XPNPEP3: variants seen among roughly 807,000 people sequenced by gnomAD.
The protein encoded by XPNPEP3 is xaa-Pro aminopeptidase 3.
In XPNPEP3, 41 loss-of-function variants were observed where a neutral mutation model predicts 60.0. The observed-to-expected ratio is 0.68, with a 90% CI of 0.53 to 0.89. The LOEUF (loss-of-function observed/expected upper bound fraction) is 0.89. Ranked by LOEUF, XPNPEP3 falls within the 40% of genes least tolerant of loss-of-function variation. XPNPEP3 has a pLI of 0.00. For missense variants in XPNPEP3, 598 were observed against 638.9 expected, an observed-to-expected ratio of 0.94 and a Z score of 0.69; for synonymous variants, 212 against 223.2, an observed-to-expected ratio of 0.95 and a Z score of 0.45.
At chr22:40,899,679 T>C (rs1366446369) in intron 4 of XPNPEP3, among the ~76,000 whole-genome samples, 1 of 151,626 alleles carries the variant, frequency 6.6e-6, no homozygotes, top group African/African-American at 2.4e-5. Context: ...ATTAGCTGGA[T>C]GTGGTGGTGG....
At chr22:40,878,083 G>A (rs1427393820) in intron 2 of XPNPEP3, among the ~76,000 whole-genome samples, 1 of 151,938 alleles carries the variant, frequency 6.6e-6, no homozygotes, top group African/African-American at 2.4e-5. Context: ...GCACATTCCT[G>A]TAATCCCAGC....
At chr22:40,893,817 T>C (rs2058097775) in intron 4 of XPNPEP3, among the ~76,000 whole-genome samples, 1 of 152,078 alleles carries the variant, frequency 6.6e-6, no homozygotes, top group Admixed American at 6.6e-5. Context: ...GGTTTCTCCA[T>C]ATTGGTCAGG....
At chr22:40,922,127 C>T (rs2058218718) in intron 7 of XPNPEP3, among the ~76,000 whole-genome samples, 1 of 152,096 alleles carries the variant, frequency 6.6e-6, no homozygotes, top group South Asian at 2.1e-4. Flanking sequence ...TGTGTTGCTG[C>T]TCCAGCTTGA....
intron 9 of XPNPEP3, 130 bp from the exon 10 acceptor site, chr22:40,926,139 T>G: frequency 1.1e-6 from 1 of 945,932 alleles, no homozygotes; most frequent in Non-Finnish European, 1.7e-6. Flanking sequence ...CCTCACAGCT[T>G]TACTAGGTAG....
At chr22:40,889,314 C>T (rs965906884) in intron 4 of XPNPEP3, among the ~76,000 whole-genome samples, 1 of 152,208 alleles carries the variant, frequency 6.6e-6, no homozygotes, top group African/African-American at 2.4e-5. Flanking sequence ...CATGAGCCAA[C>T]ATGTCCAGCA....
intron 3 of XPNPEP3, among the ~76,000 whole-genome samples, chr22:40,883,820 T>C: frequency 6.6e-6 from 1 of 152,192 alleles, no homozygotes; most frequent in Non-Finnish European, 1.5e-5. Context: ...AAACTTTAGC[T>C]CTGGGAAGTA....
Position 40,902,594 on chromosome 22 carries a change from A to G in XPNPEP3, c.793-4993A>G, listed in dbSNP as rs187896989. On this transcript the variant is annotated intron_variant, in intron 4 of 9. Coordinates refer to ENST00000357137, the MANE Select transcript of XPNPEP3 (RefSeq NM_022098.4). Reference sequence around the variant, plus strand: ...GAGACGGGGTTTCACCATGTTGGTCAGGCTGGTTTCAAACTCCTGACCTCG... The same window carrying G: ...GAGACGGGGTTTCACCATGTTGGTCGGGCTGGTTTCAAACTCCTGACCTCG... Among the ~76,000 whole-genome samples, 129 of 152,158 alleles carry G rather than the reference A, an allele frequency of 8.5e-4. 1 individual carries two copies. The highest frequency in any genetic ancestry group is 1.6e-3 in the Non-Finnish European group (107 of 67,988).
chr22:40,883,140 TTCTTA>T (rs926048316), intron 3 of XPNPEP3, among the ~76,000 whole-genome samples: 6 of 152,214 alleles, frequency 3.9e-5, no homozygotes, highest in South Asian at 2.1e-4. Context: ...TGACAACTAC[TTCTTA>T]TCTTAGTGCT....
chr22:40,862,892 T>C (rs921045930), intron 1 of XPNPEP3: 5 of 271,542 alleles, frequency 1.8e-5, no homozygotes, highest in Non-Finnish European at 2.8e-5. Context: ...AGAATACAAA[T>C]AGGAGAACAA....
chr22:40,914,982 A>G (rs1181293760), intron 7 of XPNPEP3, among the ~76,000 whole-genome samples: 2 of 151,864 alleles, frequency 1.3e-5, no homozygotes, highest in East Asian at 3.9e-4. Flanking sequence ...CCCATCTGAC[A>G]TGAAAAAAAT....
Position 40,931,338 on chromosome 22 carries a change from A to T in XPNPEP3, c.*4903A>T, listed in dbSNP as rs2058253973. ...TGGATATCCAGTGTCACATACTTTT[A>T]TGTATTTATTTCAGGAATTACTATT... On this transcript the variant is annotated 3_prime_UTR_variant, in exon 10 of 10. Coordinates refer to ENST00000357137, the MANE Select transcript of XPNPEP3 (RefSeq NM_022098.4). 1 of 152,208 alleles carries T rather than the reference A, an allele frequency of 6.6e-6. No homozygotes were observed. Among genetic ancestry groups the T allele is most frequent in the African/African-American group, 2.4e-5 (1 of 41,462 alleles). The allele number at this position is 152,208 out of a possible 1,614,324, so 9.4% of individuals were successfully genotyped here. A position where few individuals can be genotyped will look rare whatever the true frequency, so the allele number is the denominator to read the frequency against.
At chr22:40,862,350 T>C (rs1247969325) in intron 1 of XPNPEP3, 1 of 1,015,912 alleles carries the variant, frequency 9.8e-7, no homozygotes, top group Non-Finnish European at 1.2e-6. Flanking sequence ...CAATGGAATC[T>C]GTTGCTAATA....
intron 4 of XPNPEP3, among the ~76,000 whole-genome samples, chr22:40,895,927 A>C (rs187159265): frequency 7.9e-5 from 12 of 152,174 alleles, no homozygotes; most frequent in African/African-American, 2.9e-4. Flanking sequence ...ACATTTGTGA[A>C]AGGTCTTGTG....
At chr22:40,897,008 T>C (rs1162470253) in intron 4 of XPNPEP3, among the ~76,000 whole-genome samples, 1 of 151,684 alleles carries the variant, frequency 6.6e-6, no homozygotes, top group Non-Finnish European at 1.5e-5. Flanking sequence ...CCATTGTATG[T>C]ATAGACAATG....
chr22:40,864,015 C>T (rs1010000073), intron 1 of XPNPEP3, among the ~76,000 whole-genome samples: 3 of 152,094 alleles, frequency 2.0e-5, no homozygotes, highest in Admixed American at 6.6e-5. Flanking sequence ...TCTTGGATCT[C>T]GTGCAAGAAA....
chr22:40,901,761 G>A (rs997012442), intron 4 of XPNPEP3, among the ~76,000 whole-genome samples: 33 of 152,150 alleles, frequency 2.2e-4, no homozygotes, highest in Non-Finnish European at 4.4e-4. Flanking sequence ...CACTGCGCCC[G>A]GCTATATGAC....
In XPNPEP3 at chr22:40,913,896, G is replaced by A. The variant is rs184153300; in HGVS notation, c.970-343G>A. On this transcript the variant is annotated intron_variant, in intron 6 of 9. Coordinates refer to ENST00000357137, the MANE Select transcript of XPNPEP3 (RefSeq NM_022098.4). ...GCAGTGGCTCACGCCTGTAATCCCCGCACTTTGGGAGGCCGAGGCAGGCAG... is the reference window on the plus strand; with the variant it reads ...GCAGTGGCTCACGCCTGTAATCCCCACACTTTGGGAGGCCGAGGCAGGCAG... 7.2e-4 allele frequency among the ~76,000 whole-genome samples: 110 copies of A among 152,210 alleles called. 2 individuals carry two copies. In the East Asian group the frequency reaches 0.018, roughly 25 times the overall value.
At chr22:40,908,622 C>G (rs2058165361) in intron 5 of XPNPEP3, among the ~76,000 whole-genome samples, 1 of 152,184 alleles carries the variant, frequency 6.6e-6, no homozygotes, top group Non-Finnish European at 1.5e-5. Flanking sequence ...CTGCAATTTT[C>G]CTAGCATCCT....
In XPNPEP3 at chr22:40,869,005, T is replaced by C. The variant is rs759146367; in HGVS notation, c.71T>C (p.Met24Thr). Reference protein sequence around the residue: ...VANVRGLSGCMLCSQRRYSLQ... With the variant: ...VANVRGLSGCTLCSQRRYSLQ... Reference sequence around the variant, plus strand: ...CTCTTTATTCTTCATTCAGGATGTATGTTGTGTTCACAGCGAAGGTACTCC... The same window carrying C: ...CTCTTTATTCTTCATTCAGGATGTACGTTGTGTTCACAGCGAAGGTACTCC... The change falls in exon 2 of 10, where the codon ATG (methionine) becomes ACG (threonine). Residue 24 changes from methionine (M) to threonine (T), a missense_variant. By Grantham distance (81) the Met-to-Thr change is moderately conservative (BLOSUM62 -1). Transcript: ENST00000357137. 2.5e-6 allele frequency: 4 copies of C among 1,612,972 alleles called. No homozygotes were observed. The highest frequency in any genetic ancestry group is 1.7e-5 in the Admixed American group (1 of 60,018).
Sources: gnomAD v4.1 joint callset for allele counts (sites outside exome capture counted in the v4.1 genomes callset) on GRCh38, gnomAD v4.1.1 for gene constraint, MANE v1.5 for transcripts, NCBI Gene and HGNC (gene_info 2026-07-23, HGNC 2026-07-21) for gene names.